Variants in STAB2 observed in about 807,000 individuals in gnomAD.
STAB2 encodes stabilin-2.
A neutral mutation model predicts 338.1 loss-of-function variants in STAB2; 288 were observed. The observed-to-expected ratio is 0.85, with a 90% CI of 0.77 to 0.94. STAB2 has a LOEUF of 0.94. Among genes scored for constraint, STAB2 ranks in the 40% least tolerant of loss-of-function variants. The pLI is 0.00. For missense variants in STAB2, 3,141 were observed against 3,210.1 expected (o/e 0.98, Z 0.52); for synonymous variants, 1,202 against 1,193.3 (o/e 1.01, Z -0.15).
chr12:103,737,602 T>TCTA, intron 52 of STAB2, 32 bp from the exon 53 acceptor site: 1 of 983,722 alleles, frequency 1.0e-6, no homozygotes, highest in Non-Finnish European at 1.4e-6. Flanking sequence ...CTCTCTCTCT[T>TCTA]TCTCTTTTTT....
chr12:103,754,498 A>G (rs1373758062), intron 61 of STAB2, among the ~76,000 whole-genome samples: 1 of 152,146 alleles, frequency 6.6e-6, no homozygotes, highest in Non-Finnish European at 1.5e-5. Flanking sequence ...TTGACACATG[A>G]AAAACTCTTG....
At chr12:103,753,386 A>G (rs1406790593) in intron 61 of STAB2, 33 bp downstream of exon 61, 1 of 1,613,940 alleles carries the variant, frequency 6.2e-7, no homozygotes, top group Non-Finnish European at 8.5e-7. Flanking sequence ...CTGTGCAGAC[A>G]GAGTCTGCAG....
intron 63 of STAB2, 116 bp from the exon 64 acceptor site, chr12:103,758,054 G>T (rs765654941): frequency 1.4e-6 from 2 of 1,459,052 alleles, no homozygotes; most frequent in Non-Finnish European, 1.9e-6. Context: ...GCAGCAGGCT[G>T]AGTTGGCTCA....
chr12:103,590,819 G>T, intron 1 of STAB2, 78 bp from the exon 2 acceptor site: 1 of 1,552,826 alleles, frequency 6.4e-7, no homozygotes. Context: ...CATTCCAGTG[G>T]AGAAGATTGG....
intron 9 of STAB2, among the ~76,000 whole-genome samples, chr12:103,643,926 C>T (rs1472018970): frequency 2.7e-5 from 3 of 109,430 alleles, no homozygotes; most frequent in African/African-American, 7.1e-5. Flanking sequence ...AGCCCCTCTG[C>T]CCGGCCAGCC....
In STAB2 at chr12:103,711,534, A is replaced by T. The variant is rs1879858411; in HGVS notation, c.4334+18A>T. 9 of 1,613,918 alleles carry T rather than the reference A, an allele frequency of 5.6e-6. No homozygotes were observed. The East Asian group carries it at 2.0e-4, about 36-fold the overall frequency. ...AGCGCCAAGTAGGTAGCCCTGGGCCACCTCTGGGGACAGTGTAAAGGGGAT... is the reference window on the plus strand; with the variant it reads ...AGCGCCAAGTAGGTAGCCCTGGGCCTCCTCTGGGGACAGTGTAAAGGGGAT... On this transcript the variant is annotated intron_variant, in intron 40 of 68. Coordinates refer to ENST00000388887, the MANE Select transcript of STAB2 (RefSeq NM_017564.10).
chr12:103,633,053 C>A (rs117780196), intron 6 of STAB2, among the ~76,000 whole-genome samples: 1 of 152,168 alleles, frequency 6.6e-6, no homozygotes, highest in African/African-American at 2.4e-5. Context: ...CTTCCTGTAG[C>A]TGGGACAGCC....
At chr12:103,726,426 G>A (rs949010408) in intron 46 of STAB2, among the ~76,000 whole-genome samples, 1 of 152,254 alleles carries the variant, frequency 6.6e-6, no homozygotes, top group Non-Finnish European at 1.5e-5. Context: ...GTGAGGCAGA[G>A]GTTGCAGTGA....
At chr12:103,597,407 T>A (rs1307633630) in intron 3 of STAB2, among the ~76,000 whole-genome samples, 2 of 152,200 alleles carry the variant, frequency 1.3e-5, no homozygotes, top group Non-Finnish European at 2.9e-5. Flanking sequence ...TACATTCATA[T>A]GTAACACTTC....
Position 103,713,713 on chromosome 12 carries a change from A to G in STAB2, c.4482A>G (p.Gly1494=), listed in dbSNP as rs1475802584. The G allele has an allele frequency of 6.2e-7, 1 of 1,614,002 alleles. No homozygotes were observed. Among genetic ancestry groups the G allele is most frequent in the Non-Finnish European group, 8.5e-7 (1 of 1,179,976 alleles). ...AKADCKRTTP[G]RRVCTCKAGY... is the part of the protein sequence containing the mutation. ...CTGACTGTAAGAGAACCACCCCAGG[A>G]AGGCGAGTGTGCACGTGCAAAGCAG... is the stretch of plus-strand genomic sequence containing the variant. Residue 1494 remains glycine (G), a synonymous_variant, in exon 42 of 69, where the codon GGA becomes GGG. Coordinates refer to ENST00000388887, the MANE Select transcript of STAB2 (RefSeq NM_017564.10).
intron 3 of STAB2, among the ~76,000 whole-genome samples, chr12:103,599,756 A>C (rs934010110): frequency 1.3e-5 from 2 of 152,214 alleles, no homozygotes; most frequent in Admixed American, 1.3e-4. Flanking sequence ...CAAAGACTGC[A>C]CTGAGGTGAG....
chr12:103,760,073 T>C (rs1469388460), intron 65 of STAB2, among the ~76,000 whole-genome samples: 1 of 152,202 alleles, frequency 6.6e-6, no homozygotes, highest in Non-Finnish European at 1.5e-5. Flanking sequence ...CAGATCCATT[T>C]CGTCATCTAC....
rs746023050 is a variant in STAB2 at position 103,695,623 on chromosome 12, A to C, written c.3449A>C (p.Tyr1150Ser). 47 of 1,614,058 alleles carry C rather than the reference A, an allele frequency of 2.9e-5. No homozygotes were observed. The highest frequency in any genetic ancestry group is 3.7e-5 in the Non-Finnish European group (44 of 1,180,022). The change falls in exon 32 of 69, where the codon TAT becomes TCT. Residue 1150 changes from tyrosine to serine, a missense_variant. Coordinates refer to ENST00000388887, the MANE Select transcript of STAB2 (RefSeq NM_017564.10). ...LLMRLEQMPD[Y>S]SIFRGYIIQY... ...ATGCGGCTGGAACAGATGCCTGACT[A>C]TTCCATCTTCCGGGGCTACATCATT...
chr12:103,651,615 A>T (rs2138731141), intron 11 of STAB2, among the ~76,000 whole-genome samples: 1 of 152,160 alleles, frequency 6.6e-6, no homozygotes, highest in Non-Finnish European at 1.5e-5. Flanking sequence ...CCTGGCCCAG[A>T]TCTTGATTTT....
At chr12:103,754,676 G>A (rs779137273) in intron 61 of STAB2, among the ~76,000 whole-genome samples, 52 of 152,096 alleles carry the variant, frequency 3.4e-4, no homozygotes, top group Non-Finnish European at 1.0e-4. Flanking sequence ...TAGGCCAGGC[G>A]TGGTGACTCA....
At chr12:103,706,686 G>A (rs1320662050) in intron 37 of STAB2, 106 bp from the exon 38 acceptor site, 25 of 1,473,704 alleles carry the variant, frequency 1.7e-5, no homozygotes, top group South Asian at 1.0e-4. Flanking sequence ...ATGTGAGGTC[G>A]AAGAAACAGG....
At chr12:103,698,995 G>T in intron 33 of STAB2, 101 bp from the exon 34 acceptor site, 1 of 1,420,502 alleles carries the variant, frequency 7.0e-7, no homozygotes, top group African/African-American at 1.4e-5. Context: ...TGGACAAGCT[G>T]TTGTTCCTCT....
At chr12:103,721,437 G>C (rs1409826999) in intron 44 of STAB2, among the ~76,000 whole-genome samples, 1 of 152,156 alleles carries the variant, frequency 6.6e-6, no homozygotes. Flanking sequence ...GGTGAGAGGG[G>C]CCAGATCACC....
intron 51 of STAB2, among the ~76,000 whole-genome samples, chr12:103,733,588 T>C (rs1270747043): frequency 2.0e-5 from 3 of 152,140 alleles, no homozygotes; most frequent in African/African-American, 7.2e-5. Flanking sequence ...CCAGCTTCAA[T>C]CAATTGTGGC....
Sources: gnomAD v4.1 joint callset for allele counts (sites outside exome capture counted in the v4.1 genomes callset) on GRCh38, gnomAD v4.1.1 for gene constraint, MANE v1.5 for transcripts, NCBI Gene and HGNC (gene_info 2026-07-23, HGNC 2026-07-21) for gene names.